Variants in KAT6B observed in about 807,000 individuals in gnomAD.
The protein encoded by KAT6B is lysine acetyltransferase 6B.
Under a neutral mutation model 187.5 loss-of-function variants are expected in KAT6B, and 10 were observed. That is an observed-to-expected ratio of 0.05 (90% confidence interval 0.03 to 0.09). KAT6B has a LOEUF of 0.09. Ranked by LOEUF, KAT6B falls within the 10% of genes least tolerant of loss-of-function variation. The probability of loss-of-function intolerance (pLI) is 1.00; values close to 1 mark genes in which losing one functional copy is unlikely to be tolerated. For missense variants in KAT6B, 1,952 were observed against 2,558.9 expected (o/e 0.76, Z 5.12); for synonymous variants, 861 against 926.8 (o/e 0.93, Z 1.29).
At chr10:74,960,945 A>G (rs1480082907) in intron 4 of KAT6B, among the ~76,000 whole-genome samples, 3 of 152,188 alleles carry the variant, frequency 2.0e-5, no homozygotes, top group African/African-American at 4.8e-5. Context: ...GGTAGAAGAA[A>G]TGTTTCATGC....
At chr10:74,964,590 C>A (rs1462404132) in intron 4 of KAT6B, among the ~76,000 whole-genome samples, 1 of 152,152 alleles carries the variant, frequency 6.6e-6, no homozygotes, top group Non-Finnish European at 1.5e-5. Flanking sequence ...ACCCTAGATA[C>A]AAATAACTAT....
intron 3 of KAT6B, among the ~76,000 whole-genome samples, chr10:74,850,673 T>C (rs1842422130): frequency 6.6e-6 from 1 of 152,226 alleles, no homozygotes; most frequent in Non-Finnish European, 1.5e-5. Flanking sequence ...TATTAATGTT[T>C]CTCATTAAAA....
chr10:74,966,241 C>G (rs1341011599), intron 4 of KAT6B, among the ~76,000 whole-genome samples: 1 of 152,170 alleles, frequency 6.6e-6, no homozygotes, highest in Non-Finnish European at 1.5e-5. Context: ...TCATTTCTAA[C>G]CAAGTCCGTA....
At chr10:74,913,677 G>A (rs1411087424) in intron 3 of KAT6B, among the ~76,000 whole-genome samples, 2 of 152,190 alleles carry the variant, frequency 1.3e-5, no homozygotes, top group African/African-American at 2.4e-5. Flanking sequence ...GTAGAAATTT[G>A]CCCTTTTGAG....
intron 3 of KAT6B, among the ~76,000 whole-genome samples, chr10:74,891,780 A>G (rs1401583164): frequency 6.6e-6 from 1 of 152,214 alleles, no homozygotes; most frequent in Non-Finnish European, 1.5e-5. Context: ...CAATATTGGC[A>G]TGTAACGTGG....
At chr10:75,000,927 G>A (rs1447796919) in intron 13 of KAT6B, among the ~76,000 whole-genome samples, 2 of 152,054 alleles carry the variant, frequency 1.3e-5, no homozygotes, top group African/African-American at 4.8e-5. Context: ...ATTAATCAGC[G>A]CTGCTAGAAG....
chr10:74,890,875 T>G (rs981200415), intron 3 of KAT6B, among the ~76,000 whole-genome samples: 14 of 151,280 alleles, frequency 9.3e-5, no homozygotes, highest in South Asian at 2.1e-4. Flanking sequence ...ACAGTTTGGG[T>G]TTTTTTTTGG....
At chr10:74,978,486 T>C (rs527718658) in intron 9 of KAT6B, among the ~76,000 whole-genome samples, 30 of 152,366 alleles carry the variant, frequency 2.0e-4, no homozygotes, top group Admixed American at 7.8e-4. Flanking sequence ...TTATCTTTTT[T>C]TGGCCTACTT....
intron 3 of KAT6B, among the ~76,000 whole-genome samples, chr10:74,957,945 C>T (rs369498925): frequency 6.6e-6 from 1 of 152,184 alleles, no homozygotes. Flanking sequence ...TTTTCTAGTA[C>T]AGAATGTTTT....
intron 7 of KAT6B, 28 bp downstream of exon 7, chr10:74,972,667 C>G: frequency 6.3e-7 from 1 of 1,599,054 alleles, no homozygotes; most frequent in Non-Finnish European, 8.6e-7. Context: ...CAAAAGAAAT[C>G]ATTTATGTTT....
intron 3 of KAT6B, among the ~76,000 whole-genome samples, chr10:74,896,586 G>C (rs185508140): frequency 6.6e-6 from 1 of 152,292 alleles, no homozygotes; most frequent in African/African-American, 2.4e-5. Context: ...CACAACACCC[G>C]GCCTATTTGT....
chr10:75,029,060 G>C lies in KAT6B; in HGVS notation c.4236G>C (p.Glu1412Asp), dbSNP rs1187149770. ...GTTTGGATGATCACGAAGAGGAGGA[G>C]GAAGAGGATGAAGAGCCATCCCACA... is the stretch of plus-strand genomic sequence containing the variant. ...SARLDDHEEE[E>D]EEDEEPSHNE... Residue 1412 changes from glutamate (E) to aspartate (D), a missense_variant, in exon 18 of 18, where the codon GAG becomes GAC. By Grantham distance (45) the Glu-to-Asp change is conservative. Coordinates refer to ENST00000287239, the MANE Select transcript of KAT6B (RefSeq NM_012330.4). The surrounding 1 kb of genome is among the most constrained non-coding windows in gnomAD (Gnocchi z 6.2). 2 of 1,614,018 alleles carry C rather than the reference G, an allele frequency of 1.2e-6. No individual in the cohort carries two copies. Among genetic ancestry groups the C allele is most frequent in the Non-Finnish European group, 1.7e-6 (2 of 1,180,028 alleles).
chr10:74,884,985 T>G (rs1845130535), intron 3 of KAT6B, among the ~76,000 whole-genome samples: 1 of 152,210 alleles, frequency 6.6e-6, no homozygotes, highest in Non-Finnish European at 1.5e-5. Context: ...CAGCCACATG[T>G]GGCTATTGAG....
Position 75,025,207 on chromosome 10 carries a change from G to A in KAT6B, c.3622G>A (p.Gly1208Arg), listed in dbSNP as rs1845727556. ...GAAAAGACAAACAGAGGAAGAGGAA[G>A]GAAAAGACAATCATTGCTTCAAGAA... is the stretch of plus-strand genomic sequence containing the variant. ...GKKRQTEEEE[G>R]KDNHCFKNAD... The change falls in exon 17 of 18, where the codon GGA (glycine) becomes AGA (arginine). Residue 1208 changes from glycine to arginine, a missense_variant. Transcript: ENST00000287239. 1.2e-6 allele frequency: 2 copies of A among 1,613,958 alleles called. No individual in the cohort carries two copies. Among genetic ancestry groups the A allele is most frequent in the African/African-American group, 2.7e-5 (2 of 74,888 alleles).
rs774402480 is a variant in KAT6B at position 75,029,916 on chromosome 10, G to T, written c.5092G>T (p.Gly1698Cys). Residue 1698 changes from glycine to cysteine, a missense_variant, in exon 18 of 18, where the codon GGC becomes TGC. Transcript: ENST00000287239. This position sits in a 1 kb window ranked among gnomAD's most constrained non-coding sequence, Gnocchi z 6.2. ...TATGGGAGGCAGCATCTGTGGAAAC[G>T]GCTCTTCACAGAACAGCTGCTCCTA... ...STMGGSICGNGSSQNSCSYSN... is the reference protein window; with the variant it reads ...STMGGSICGNCSSQNSCSYSN... 1.9e-6 allele frequency: 3 copies of T among 1,614,190 alleles called. No homozygotes were observed. The highest frequency in any genetic ancestry group is 1.7e-6 in the Non-Finnish European group (2 of 1,180,044).
intron 3 of KAT6B, among the ~76,000 whole-genome samples, chr10:74,938,161 C>A (rs543126308): frequency 1.6e-3 from 237 of 152,156 alleles, no homozygotes; most frequent in Non-Finnish European, 2.4e-3. Context: ...TGTATTCTTA[C>A]CATTCAAAAA....
chr10:75,009,289 C>T (rs1463674005), intron 13 of KAT6B, among the ~76,000 whole-genome samples: 3 of 152,064 alleles, frequency 2.0e-5, no homozygotes, highest in Non-Finnish European at 4.4e-5. Flanking sequence ...AATTAAACTC[C>T]CAGAGCTTTT....
chr10:74,957,354 G>A (rs1840762669), intron 3 of KAT6B, among the ~76,000 whole-genome samples: 1 of 152,198 alleles, frequency 6.6e-6, no homozygotes, highest in African/African-American at 2.4e-5. Flanking sequence ...AAATGGTTGT[G>A]AGCATACATC....
intron 13 of KAT6B, among the ~76,000 whole-genome samples, chr10:74,993,962 A>C (rs967483325): frequency 1.3e-5 from 2 of 152,294 alleles, no homozygotes; most frequent in East Asian, 3.9e-4. Flanking sequence ...TCACTGTGAA[A>C]TTACCATTTT....
Sources: allele counts gnomAD v4.1 joint callset (sites outside exome capture counted in the v4.1 genomes callset), GRCh38; gene constraint gnomAD v4.1.1; non-coding constraint Gnocchi (gnomAD v3.1); transcripts MANE v1.5; gene names NCBI Gene and HGNC (gene_info 2026-07-23, HGNC 2026-07-21).